GPATCH8: variants seen among roughly 807,000 people sequenced by gnomAD.
GPATCH8 encodes the protein G patch domain-containing protein 8.
GPATCH8 carries 18 observed loss-of-function variants against 118.3 expected under a neutral mutation model. That is an observed-to-expected ratio of 0.15 (90% CI 0.11 to 0.23). The LOEUF is 0.23. GPATCH8 is among the 10% of genes least tolerant of loss of function. The pLI, the probability that GPATCH8 is intolerant of heterozygous loss-of-function variation, is 1.00. For synonymous variants in GPATCH8, 659 were observed against 684.7 expected (o/e 0.96, Z 0.59); for missense variants, 1,631 against 1,873.8 (o/e 0.87, Z 2.39).
chr17:44,424,568 G>A (rs1276315405), intron 5 of GPATCH8, 76 bp from the exon 6 acceptor site: 2 of 1,088,064 alleles, frequency 1.8e-6, no homozygotes, highest in African/African-American at 1.5e-5. Flanking sequence ...AGAGAAAACA[G>A]TCTATCTGAG....
At chr17:44,433,881 G>A (rs1433295157) in intron 5 of GPATCH8, among the ~76,000 whole-genome samples, 1 of 152,196 alleles carries the variant, frequency 6.6e-6, no homozygotes, top group African/African-American at 2.4e-5. Context: ...GCTCACGCCT[G>A]TAATCCCCAC....
At chr17:44,475,619 GGGAGGC>G (rs1568043932) in intron 1 of GPATCH8, among the ~76,000 whole-genome samples, 1 of 151,874 alleles carries the variant, frequency 6.6e-6, no homozygotes, top group African/African-American at 2.4e-5. Flanking sequence ...GCGTGAACCC[GGGAGGC>G]GGAGCTTGCA....
chr17:44,489,760 A>G (rs1969094197), intron 1 of GPATCH8, among the ~76,000 whole-genome samples: 1 of 152,190 alleles, frequency 6.6e-6, no homozygotes, highest in South Asian at 2.1e-4. Context: ...CAATGATAGT[A>G]GTGGTGATAT....
At chr17:44,467,537 C>T (rs1009703749) in intron 2 of GPATCH8, among the ~76,000 whole-genome samples, 3 of 152,224 alleles carry the variant, frequency 2.0e-5, no homozygotes, top group East Asian at 1.9e-4. Context: ...TAACTTGCCA[C>T]TCTAAGTCCT....
chr17:44,471,719 T>C (rs1430822818), intron 2 of GPATCH8, among the ~76,000 whole-genome samples: 1 of 152,178 alleles, frequency 6.6e-6, no homozygotes, highest in Non-Finnish European at 1.5e-5. Flanking sequence ...CAGCCAGCCA[T>C]GTAATTAAAT....
intron 6 of GPATCH8, among the ~76,000 whole-genome samples, chr17:44,418,965 A>G (rs1045380377): frequency 1.3e-5 from 2 of 152,246 alleles, no homozygotes; most frequent in African/African-American, 2.4e-5. Context: ...GCTGGGTCTT[A>G]ATATTTTTGT....
chr17:44,479,487 T>C (rs1968039918), intron 1 of GPATCH8, among the ~76,000 whole-genome samples: 5 of 152,082 alleles, frequency 3.3e-5, no homozygotes, highest in Admixed American at 3.3e-4. Context: ...TAGGTGTCCA[T>C]ATACAAAACA....
intron 3 of GPATCH8, among the ~76,000 whole-genome samples, chr17:44,443,344 T>C (rs1598502475): frequency 6.6e-6 from 1 of 152,220 alleles, no homozygotes; most frequent in Admixed American, 6.5e-5. Flanking sequence ...AAATGGTACA[T>C]TTATTTCCAA....
At chr17:44,419,962 T>C (rs2049834836) in intron 6 of GPATCH8, among the ~76,000 whole-genome samples, 1 of 152,000 alleles carries the variant, frequency 6.6e-6, no homozygotes. Flanking sequence ...TGAAGAAAGG[T>C]GAAAAAGCCT....
chr17:44,439,637 C>G (rs959050895), intron 3 of GPATCH8, among the ~76,000 whole-genome samples: 2 of 152,048 alleles, frequency 1.3e-5, no homozygotes, highest in African/African-American at 4.8e-5. Context: ...CAAAACAAAA[C>G]AAAAAACCCC....
At chr17:44,436,685 C>T in intron 3 of GPATCH8, 140 bp from the exon 4 acceptor site, 1 of 714,426 alleles carries the variant, frequency 1.4e-6, no homozygotes, top group Non-Finnish European at 2.6e-6. Flanking sequence ...ACAAGCCATT[C>T]TCACAGCTTA....
chr17:44,446,926 G>A (rs2050906630), intron 3 of GPATCH8, among the ~76,000 whole-genome samples: 1 of 150,074 alleles, frequency 6.7e-6, no homozygotes, highest in African/African-American at 2.5e-5. Flanking sequence ...CCTCCGCCTC[G>A]CAGGTTCAAG....
At chr17:44,408,607 A>G (rs1338151334) in intron 6 of GPATCH8, among the ~76,000 whole-genome samples, 2 of 152,190 alleles carry the variant, frequency 1.3e-5, no homozygotes, top group Admixed American at 6.5e-5. Flanking sequence ...AAACTACATG[A>G]CATTGTCCAA....
intron 3 of GPATCH8, among the ~76,000 whole-genome samples, chr17:44,463,282 C>T (rs2051632150): frequency 6.6e-6 from 1 of 152,142 alleles, no homozygotes; most frequent in Non-Finnish European, 1.5e-5. Context: ...AAATCCATTT[C>T]CTGAATTCAA....
rs922141675 is a variant in GPATCH8 at position 44,405,947 on chromosome 17, C to T, written c.597G>A (p.Leu199=). 2.9e-5 allele frequency: 47 copies of T among 1,612,296 alleles called. No individual in the cohort carries two copies. Among genetic ancestry groups the T allele is most frequent in the Non-Finnish European group, 4.0e-5 (47 of 1,178,318 alleles). ...ATTCAGCTTGTTTTCTTTGCTCTGC[C>T]AACTCATGGAGCCGCCGAAGGGCTT... ...QEKALRRLHE[L]AEQRKQAECA... is the part of the protein sequence containing the mutation. Residue 199 remains leucine (L), a synonymous_variant, in exon 7 of 8, where the codon TTG becomes TTA. Coordinates refer to ENST00000591680, the MANE Select transcript of GPATCH8 (RefSeq NM_001002909.4).
rs370765805 is a variant in GPATCH8 at position 44,398,631 on chromosome 17, C to A, written c.3446G>T (p.Gly1149Val). The A allele has an allele frequency of 1.2e-5, 18 of 1,547,122 alleles. No homozygotes were observed. The highest frequency in any genetic ancestry group is 1.5e-5 in the Non-Finnish European group (17 of 1,149,538). Residue 1149 changes from glycine (G) to valine (V), a missense_variant, in exon 8 of 8, where the codon GGG becomes GTG. This residue lies in a region of GPATCH8 where 922 missense variants were observed against 879.7 expected (regional missense o/e 1.05). Coordinates refer to ENST00000591680, the MANE Select transcript of GPATCH8 (RefSeq NM_001002909.4). ...GGGCTTTCGGGTAGCTGGGAGCTTC[C>A]CTATCAGTGGAAGGACAGGCTTATT... ...LGNKPVLPLI[G>V]KLPATRKPNK...
chr17:44,454,654 C>T (rs1053589208), intron 3 of GPATCH8, among the ~76,000 whole-genome samples: 1 of 152,110 alleles, frequency 6.6e-6, no homozygotes, highest in African/African-American at 2.4e-5. Flanking sequence ...AACTCCTGGC[C>T]TCAAGCAATC....
intron 2 of GPATCH8, 147 bp from the exon 3 acceptor site, chr17:44,464,691 T>C (rs1427445852): frequency 5.8e-6 from 4 of 686,116 alleles, no homozygotes; most frequent in South Asian, 3.1e-5. Context: ...ATGTGCCCAA[T>C]AAGAGGGACA....
chr17:44,456,535 A>G (rs1358504848), intron 3 of GPATCH8, among the ~76,000 whole-genome samples: 1 of 152,182 alleles, frequency 6.6e-6, no homozygotes, highest in Admixed American at 6.5e-5. Flanking sequence ...TAATCCTAGC[A>G]CTTTGTAAGC....
Sources: allele counts gnomAD v4.1 joint callset (sites outside exome capture counted in the v4.1 genomes callset), GRCh38; gene constraint gnomAD v4.1.1; regional missense constraint gnomAD v4.1.1; transcripts MANE v1.5; gene names NCBI Gene and HGNC (gene_info 2026-07-23, HGNC 2026-07-21).